KCNH7: variants seen among roughly 807,000 people sequenced by gnomAD.
KCNH7 encodes the protein potassium voltage-gated channel subfamily H member 7.
Under a neutral mutation model 120.8 loss-of-function variants are expected in KCNH7, and 49 were observed. The observed-to-expected ratio is 0.41, with a 90% CI of 0.32 to 0.51. The LOEUF (loss-of-function observed/expected upper bound fraction) is 0.51, where lower values mean the gene tolerates loss of function less well. KCNH7 is among the 20% of genes least tolerant of loss of function. The pLI, the probability that KCNH7 is intolerant of heterozygous loss-of-function variation, is 0.38. For synonymous variants in KCNH7, 547 were observed against 516.1 expected, an observed-to-expected ratio of 1.06 and a Z score of -0.81; for missense variants, 1,097 against 1,446.6, an observed-to-expected ratio of 0.76 and a Z score of 3.92.
At chr2:162,563,185 A>G (rs529347937) in intron 2 of KCNH7, among the ~76,000 whole-genome samples, 1 of 152,268 alleles carries the variant, frequency 6.6e-6, no homozygotes, top group Non-Finnish European at 1.5e-5. Context: ...GCCATCTACT[A>G]ACTGAGGAAA....
intron 5 of KCNH7, among the ~76,000 whole-genome samples, chr2:162,505,018 T>C (rs944225323): frequency 5.9e-5 from 9 of 152,026 alleles, no homozygotes; most frequent in African/African-American, 1.7e-4. Context: ...TTGAGGATTA[T>C]TTAAGAAGGA....
chr2:162,766,457 C>T (rs1397825742), intron 2 of KCNH7, among the ~76,000 whole-genome samples: 4 of 152,146 alleles, frequency 2.6e-5, no homozygotes, highest in African/African-American at 4.8e-5. Context: ...TCTAGCACCC[C>T]TTTGTTGTCA....
chr2:162,622,822 A>T (rs1171689887), intron 2 of KCNH7, among the ~76,000 whole-genome samples: 2 of 152,192 alleles, frequency 1.3e-5, no homozygotes, highest in Non-Finnish European at 2.9e-5. Flanking sequence ...GGAAATAAAT[A>T]AGAGGTACTG....
chr2:162,502,814 C>T lies in KCNH7; in HGVS notation c.1128+1629G>A, dbSNP rs79276321. On this transcript the variant is annotated intron_variant, in intron 6 of 15. Transcript: ENST00000332142. ...CCTGGCACAGTGGATCTGCTGAACA[C>T]GGCAGCATAGGGTGGCCTCTGTGGT... is the stretch of plus-strand genomic sequence containing the variant. Among the ~76,000 whole-genome samples the T allele has an allele frequency of 5.4e-3, 825 of 152,130 alleles. 6 individuals are homozygous for T. Among genetic ancestry groups the T allele is most frequent in the Non-Finnish European group, 9.7e-3 (656 of 67,974 alleles).
intron 2 of KCNH7, among the ~76,000 whole-genome samples, chr2:162,568,238 C>T (rs1219257500): frequency 2.0e-5 from 3 of 151,958 alleles, no homozygotes; most frequent in Admixed American, 2.0e-4. Context: ...AATTAGCTCC[C>T]CCAGGGTCCC....
At chr2:162,463,901 T>C (rs1689229544) in intron 6 of KCNH7, among the ~76,000 whole-genome samples, 1 of 151,862 alleles carries the variant, frequency 6.6e-6, no homozygotes, top group Non-Finnish European at 1.5e-5. Flanking sequence ...TTAATTATGA[T>C]ATGTTTATCC....
chr2:162,659,694 T>A (rs994197933), intron 2 of KCNH7, among the ~76,000 whole-genome samples: 1 of 152,178 alleles, frequency 6.6e-6, no homozygotes, highest in Non-Finnish European at 1.5e-5. Context: ...TTTGATAATA[T>A]TCTGTTGAAG....
chr2:162,838,582 C>T lies in KCNH7; in HGVS notation c.-64G>A, dbSNP rs1685742999. 2 of 1,357,942 alleles carry T rather than the reference C, an allele frequency of 1.5e-6. No homozygotes were observed. The highest frequency in any genetic ancestry group is 1.8e-5 in the Admixed American group (1 of 54,762). The allele number at this position is 1,357,942 out of a possible 1,614,324, so 84.1% of individuals were successfully genotyped here. A position where few individuals can be genotyped will look rare whatever the true frequency, so the allele number is the denominator to read the frequency against. On this transcript the variant is annotated 5_prime_UTR_variant, in exon 1 of 16. Coordinates refer to ENST00000332142, the MANE Select transcript of KCNH7 (RefSeq NM_033272.4). ...CTGGAGTTCTCCCGGGATCTCTCCT[C>T]GGCTAGAGCCCAGGCCAGCGCGCGA...
At chr2:162,546,905 AC>A (rs1453839543) in intron 2 of KCNH7, among the ~76,000 whole-genome samples, 3 of 152,118 alleles carry the variant, frequency 2.0e-5, no homozygotes, top group Non-Finnish European at 4.4e-5. Context: ...TGAAGAGAGG[AC>A]AAGTAATGCC....
intron 2 of KCNH7, among the ~76,000 whole-genome samples, chr2:162,724,761 T>C (rs1345627347): frequency 6.6e-6 from 1 of 152,100 alleles, no homozygotes; most frequent in Non-Finnish European, 1.5e-5. Context: ...TACTGTACTA[T>C]ACCCACCTAT....
At chr2:162,413,778 TAAA>T (rs914372223) in intron 9 of KCNH7, among the ~76,000 whole-genome samples, 3 of 149,882 alleles carry the variant, frequency 2.0e-5, no homozygotes, top group Non-Finnish European at 4.4e-5. Flanking sequence ...TAGATAATAT[TAAA>T]AAAAAACAGC....
intron 2 of KCNH7, among the ~76,000 whole-genome samples, chr2:162,742,371 T>G (rs1688168939): frequency 6.6e-6 from 1 of 152,302 alleles, no homozygotes; most frequent in African/African-American, 2.4e-5. Flanking sequence ...TGTTTCTTCA[T>G]TGGCTATAAA....
At chr2:162,448,661 T>C (rs1456722114) in intron 6 of KCNH7, among the ~76,000 whole-genome samples, 1 of 152,118 alleles carries the variant, frequency 6.6e-6, no homozygotes, top group African/African-American at 2.4e-5. Context: ...ATACCTCTTT[T>C]AGCAGAAGTA....
chr2:162,833,921 T>C (rs1685562838), intron 2 of KCNH7, among the ~76,000 whole-genome samples: 1 of 152,172 alleles, frequency 6.6e-6, no homozygotes, highest in Admixed American at 6.5e-5. Context: ...GCTTATTACA[T>C]CACTCTTCAT....
At chr2:162,791,140 C>A (rs781432877) in intron 2 of KCNH7, among the ~76,000 whole-genome samples, 4 of 152,022 alleles carry the variant, frequency 2.6e-5, no homozygotes, top group South Asian at 2.1e-4. Flanking sequence ...AGTCAACAGA[C>A]AAAAATCAGT....
chr2:162,631,760 A>G (rs1683776375), intron 2 of KCNH7, among the ~76,000 whole-genome samples: 1 of 152,060 alleles, frequency 6.6e-6, no homozygotes, highest in Admixed American at 6.6e-5. Flanking sequence ...CTTATTGAGA[A>G]GGAAGAATTT....
chr2:162,832,825 C>T (rs1001661593), intron 2 of KCNH7, among the ~76,000 whole-genome samples: 11 of 152,146 alleles, frequency 7.2e-5, no homozygotes, highest in Non-Finnish European at 1.3e-4. Flanking sequence ...TCAATGCTAT[C>T]AAACCAAGAC....
intron 9 of KCNH7, among the ~76,000 whole-genome samples, chr2:162,413,178 G>T (rs1687440589): frequency 6.6e-6 from 1 of 151,912 alleles, no homozygotes; most frequent in South Asian, 2.1e-4. Flanking sequence ...CCCCCAGGGT[G>T]GAGTGCAATG....
chr2:162,806,702 G>T (rs1024032060), intron 2 of KCNH7, among the ~76,000 whole-genome samples: 1 of 152,120 alleles, frequency 6.6e-6, no homozygotes, highest in Non-Finnish European at 1.5e-5. Flanking sequence ...TGATAACTCA[G>T]TATTACATCA....
Sources: allele counts gnomAD v4.1 joint callset (sites outside exome capture counted in the v4.1 genomes callset), GRCh38; gene constraint gnomAD v4.1.1; transcripts MANE v1.5; gene names NCBI Gene and HGNC (gene_info 2026-07-23, HGNC 2026-07-21).